The following UBAC1 variants were observed in gnomAD, a reference collection of about 807,000 sequenced individuals.
UBAC1 encodes UBA domain containing 1, also known as ubiquitin-associated domain-containing protein 1.
Under a neutral mutation model 45.9 loss-of-function variants are expected in UBAC1, and 27 were observed. The observed-to-expected ratio is 0.59, with a 90% CI of 0.43 to 0.81. The LOEUF is 0.81. UBAC1 is among the 30% of genes least tolerant of loss of function. The pLI, the probability that UBAC1 is intolerant of heterozygous loss-of-function variation, is 0.00. For synonymous variants in UBAC1, 227 were observed against 215.5 expected (o/e 1.05, Z -0.47); for missense variants, 529 against 539.2 (o/e 0.98, Z 0.19).
At chr9:135,938,444 T>A in intron 8 of UBAC1, 84 bp from the exon 9 acceptor site, 7 of 1,514,566 alleles carry the variant, frequency 4.6e-6, no homozygotes. Context: ...TGACAGCTCC[T>A]GCACCTTTCT....
intron 9 of UBAC1, 71 bp from the exon 10 acceptor site, chr9:135,933,586 C>T: frequency 1.8e-6 from 2 of 1,119,632 alleles, no homozygotes; most frequent in Admixed American, 3.5e-5. Flanking sequence ...CGTGACTTTC[C>T]TCTTCGGCAG....
At position 135,945,098 on chromosome 9, in the gene UBAC1, T is replaced by G. The variant is rs765117685; in HGVS notation, c.806A>C (p.Glu269Ala). 3.3e-6 allele frequency: 3 copies of G among 898,962 alleles called. No homozygotes were observed. The highest frequency in any genetic ancestry group is 3.8e-5 in the South Asian group (2 of 52,052). 55.7% of individuals were successfully genotyped at this position (898,962 alleles called of 1,614,324 possible). A position where few individuals can be genotyped will look rare whatever the true frequency, so the allele number is the denominator to read the frequency against. Residue 269 changes from glutamate (E) to alanine (A), a missense_variant, in exon 7 of 10, where the codon GAG becomes GCG. Coordinates refer to ENST00000371756, the MANE Select transcript of UBAC1 (RefSeq NM_016172.3). ...GATTTCCGTCAGCTCATCTCTGGCC[T>G]CCTCATCGGTGGCGCTGGCTCCCGC... Reference protein sequence around the residue: ...AAAGASATDEEARDELTEIFK... With the variant: ...AAAGASATDEAARDELTEIFK...
At chr9:135,938,812 G>C (rs1839230872) in intron 8 of UBAC1, among the ~76,000 whole-genome samples, 1 of 148,308 alleles carries the variant, frequency 6.7e-6, no homozygotes, top group South Asian at 2.2e-4. Context: ...ACGGGGGATG[G>C]TGGGGGGGGG....
At position 135,933,179 on chromosome 9, in the gene UBAC1, C is replaced by A; in HGVS notation, c.*221G>T. The stretch of plus-strand genomic sequence containing the variant: ...ACTCCACTTCCCAGTGCGACAACCA[C>A]TTTTTTGTAAACACCTGTCAGATGC... On this transcript the variant is annotated 3_prime_UTR_variant, in exon 10 of 10. Transcript: ENST00000371756. 1.9e-6 allele frequency: 1 copy of A among 528,102 alleles called. No individual in the cohort carries two copies. The highest frequency in any genetic ancestry group is 3.4e-6 in the Non-Finnish European group (1 of 295,318). 32.7% of individuals were successfully genotyped at this position (528,102 alleles called of 1,614,324 possible).
intron 2 of UBAC1, 48 bp from the exon 3 acceptor site, chr9:135,953,801 T>A (rs778677616): frequency 1.3e-6 from 2 of 1,562,458 alleles, no homozygotes; most frequent in Non-Finnish European, 1.8e-6. Flanking sequence ...TCACTTCATA[T>A]CCACAAAATG....
At chr9:135,933,615 G>C (rs985461747) in intron 9 of UBAC1, 100 bp from the exon 10 acceptor site, 35 of 837,432 alleles carry the variant, frequency 4.2e-5, no homozygotes, top group Non-Finnish European at 6.3e-5. Flanking sequence ...TGAAGAGGGT[G>C]CGTCTCCAAT....
intron 8 of UBAC1, among the ~76,000 whole-genome samples, chr9:135,938,656 C>G (rs1839228472): frequency 6.6e-6 from 1 of 152,250 alleles, no homozygotes; most frequent in African/African-American, 2.4e-5. Flanking sequence ...TGTGGCCCAC[C>G]CAGGAGTGTT....
chr9:135,934,086 C>T (rs1839177962), intron 9 of UBAC1, among the ~76,000 whole-genome samples: 1 of 152,242 alleles, frequency 6.6e-6, no homozygotes, highest in African/African-American at 2.4e-5. Flanking sequence ...CTGTTCCACC[C>T]ACTGTGAAGG....
intron 1 of UBAC1, among the ~76,000 whole-genome samples, chr9:135,957,160 C>T (rs960231918): frequency 6.6e-6 from 1 of 152,146 alleles, no homozygotes; most frequent in African/African-American, 2.4e-5. Flanking sequence ...AGACTGAAAA[C>T]GGTTTTGAAA....
Position 135,945,895 on chromosome 9 carries a change from A to T in UBAC1, c.647T>A (p.Leu216Gln). 6.2e-7 allele frequency: 1 copy of T among 1,613,996 alleles called. No individual in the cohort carries two copies. Among genetic ancestry groups the T allele is most frequent in the South Asian group, 1.1e-5 (1 of 91,086 alleles). Residue 216 changes from leucine (L) to glutamine (Q), a missense_variant, in exon 6 of 10, where the codon CTG (leucine) becomes CAG (glutamine). Transcript: ENST00000371756. ...PENRATKALQ[L>Q]NHMSVPQAME... is the part of the protein sequence containing the mutation. ...GAGGTGGCCCCCCACGCACTGGTTC[A>T]GCTGAAGGGCCTTGGTGGCTCTGTT...
At chr9:135,935,528 A>G (rs1839193157) in intron 9 of UBAC1, among the ~76,000 whole-genome samples, 1 of 152,212 alleles carries the variant, frequency 6.6e-6, no homozygotes, top group African/African-American at 2.4e-5. Context: ...GCCTGTAGTC[A>G]TAACTACCCA....
intron 7 of UBAC1, among the ~76,000 whole-genome samples, chr9:135,944,194 G>A (rs1294497440): frequency 6.6e-6 from 1 of 152,236 alleles, no homozygotes; most frequent in Non-Finnish European, 1.5e-5. Flanking sequence ...GGGAAGACCT[G>A]AGCTGCGAAG....
intron 1 of UBAC1, among the ~76,000 whole-genome samples, chr9:135,955,887 C>T (rs1839460602): frequency 6.6e-6 from 1 of 152,110 alleles, no homozygotes; most frequent in Non-Finnish European, 1.5e-5. Flanking sequence ...ATAAGAGGAG[C>T]GCTCGGCATG....
intron 1 of UBAC1, among the ~76,000 whole-genome samples, chr9:135,957,414 G>A (rs950279595): frequency 2.0e-5 from 3 of 152,132 alleles, no homozygotes; most frequent in Non-Finnish European, 4.4e-5. Context: ...ACGAAATGCA[G>A]TTTTCCAAAA....
intron 1 of UBAC1, among the ~76,000 whole-genome samples, chr9:135,958,515 T>G (rs769215567): frequency 6.6e-6 from 1 of 152,114 alleles, no homozygotes; most frequent in African/African-American, 2.4e-5. Context: ...AAACCCCTCC[T>G]TGATTCAGGA....
chr9:135,935,512 G>A (rs1001192454), intron 9 of UBAC1, among the ~76,000 whole-genome samples: 7 of 152,154 alleles, frequency 4.6e-5, no homozygotes, highest in South Asian at 4.1e-4. Context: ...GGGCATGGTC[G>A]TGCATGCCTG....
At chr9:135,949,776 G>A (rs939389957) in intron 3 of UBAC1, among the ~76,000 whole-genome samples, 1 of 152,242 alleles carries the variant, frequency 6.6e-6, no homozygotes, top group South Asian at 2.1e-4. Flanking sequence ...TGGCTGCACA[G>A]CATGAGCAGG....
intron 3 of UBAC1, among the ~76,000 whole-genome samples, chr9:135,949,500 G>A (rs1167968816): frequency 6.6e-6 from 1 of 152,194 alleles, no homozygotes; most frequent in Admixed American, 6.5e-5. Context: ...ATGGCAGAAG[G>A]TTCTACAAGG....
At chr9:135,940,667 G>A (rs1016080086) in intron 7 of UBAC1, among the ~76,000 whole-genome samples, 12 of 151,830 alleles carry the variant, frequency 7.9e-5, no homozygotes, top group African/African-American at 2.4e-4. Context: ...ATGCTAATTC[G>A]TTTTTGGGGA....
Sources: gnomAD v4.1 joint callset for allele counts (sites outside exome capture counted in the v4.1 genomes callset) on GRCh38, gnomAD v4.1.1 for gene constraint, MANE v1.5 for transcripts, NCBI Gene and HGNC (gene_info 2026-07-23, HGNC 2026-07-21) for gene names.